Variants in PTP4A3 observed in about 807,000 individuals in gnomAD.
PTP4A3 encodes the protein protein tyrosine phosphatase 4A3, also known as protein tyrosine phosphatase type IVA 3.
In PTP4A3, 9 loss-of-function variants were observed where a neutral mutation model predicts 15.2. The observed-to-expected ratio is 0.59, with a 90% CI of 0.36 to 1.03. The LOEUF is 1.03. Among genes scored for constraint, PTP4A3 ranks in the 50% least tolerant of loss-of-function variants. PTP4A3 has a pLI of 0.02. For synonymous variants in PTP4A3, 95 were observed against 102.0 expected (o/e 0.93, Z 0.41); for missense variants, 234 against 252.1 (o/e 0.93, Z 0.49).
chr8:141,428,924 C>G (rs565095627), intron 5 of PTP4A3, among the ~76,000 whole-genome samples: 1 of 152,348 alleles, frequency 6.6e-6, no homozygotes, highest in Non-Finnish European at 1.5e-5. Context: ...ATGACATGCA[C>G]TCTCACACAT....
intron 1 of PTP4A3, among the ~76,000 whole-genome samples, chr8:141,399,250 C>T (rs987622759): frequency 5.3e-5 from 8 of 151,934 alleles, no homozygotes; most frequent in East Asian, 1.9e-4. Flanking sequence ...ATGCCTGGAA[C>T]GCTGGCCCCC....
rs574761037 is a variant in PTP4A3, at chr8:141,410,738, G to A, written c.-853-10650G>A. On this transcript the variant is annotated intron_variant, in intron 1 of 5. Transcript: ENST00000521578. ...GCACACTGAGGCACAGCGAGGTTGA[G>A]GGATGTACCCATCACACAGCTCACA... is the stretch of plus-strand genomic sequence containing the variant. Among the ~76,000 whole-genome samples the A allele has an allele frequency of 1.1e-4, 16 of 152,306 alleles. No homozygotes were observed. In the East Asian group the frequency reaches 1.7e-3, roughly 17 times the overall value.
intron 2 of PTP4A3, among the ~76,000 whole-genome samples, chr8:141,424,618 C>T (rs1354664100): frequency 3.9e-5 from 6 of 152,050 alleles, no homozygotes. Flanking sequence ...GATCTGGGGT[C>T]CTGAGCACCC....
At chr8:141,393,258 G>A (rs1832342879) in intron 1 of PTP4A3, among the ~76,000 whole-genome samples, 1 of 152,214 alleles carries the variant, frequency 6.6e-6, no homozygotes, top group Non-Finnish European at 1.5e-5. Flanking sequence ...GCTAAGCAGA[G>A]CCTTGTTGTC....
At position 141,425,151 on chromosome 8, in the gene PTP4A3, C is replaced by T. The variant is rs199913237; in HGVS notation, c.198+11C>T. 6.0e-4 allele frequency: 961 copies of T among 1,602,834 alleles called. 6 individuals are homozygous for T. The highest frequency in any genetic ancestry group is 7.6e-4 in the Non-Finnish European group (891 of 1,171,982). On this transcript the variant is annotated intron_variant, in intron 3 of 5. Coordinates refer to ENST00000521578, the MANE Select transcript of PTP4A3 (RefSeq NM_032611.3). This position sits in a 1 kb window ranked among gnomAD's most constrained non-coding sequence, Gnocchi z 4.2. The stretch of plus-strand genomic sequence containing the variant: ...GGCATCACCGTTGTGGTGAGGCGCG[C>T]GCCACGGGGACCCTAGTCACTGCTG...
At position 141,427,029 on chromosome 8, in the gene PTP4A3, G is replaced by A. The variant is rs1255478847; in HGVS notation, c.289G>A (p.Gly97Ser). Residue 97 changes from glycine to serine, a missense_variant, in exon 4 of 6, where the codon GGC (glycine) becomes AGC (serine). Physicochemically the swap from Gly to Ser is moderately conservative, Grantham distance 56 (BLOSUM62 0). Transcript: ENST00000521578. ...GAAGGCCAAGTTCTGTGAGGCCCCC[G>A]GCAGCTGCGTGGCTGTGCACTGCGT... ...LVKAKFCEAPGSCVAVHCVAG... is the reference protein window; with the variant it reads ...LVKAKFCEAPSSCVAVHCVAG... The A allele has an allele frequency of 8.1e-6, 13 of 1,601,874 alleles. No individual in the cohort carries two copies. The highest frequency in any genetic ancestry group is 2.7e-5 in the African/African-American group (2 of 74,938).
At chr8:141,416,645 G>A (rs191338297) in intron 1 of PTP4A3, among the ~76,000 whole-genome samples, 2 of 152,230 alleles carry the variant, frequency 1.3e-5, no homozygotes, top group Middle Eastern at 6.8e-3. Flanking sequence ...ACCCTTGGGG[G>A]TCCATGAGCT....
Position 141,431,178 on chromosome 8 carries a change from C to T in PTP4A3, c.*134C>T, listed in dbSNP as rs1238129380. On this transcript the variant is annotated 3_prime_UTR_variant, in exon 6 of 6. Coordinates refer to ENST00000521578, the MANE Select transcript of PTP4A3 (RefSeq NM_032611.3). The stretch of plus-strand genomic sequence containing the variant: ...GCTGGCCCCACATCGCCTTTTCCTC[C>T]CCGACACCTCCGTGCACTTGTGTCC... The T allele has an allele frequency of 5.0e-6, 4 of 798,158 alleles. No homozygotes were observed. The highest frequency in any genetic ancestry group is 2.4e-5 in the Admixed American group (1 of 42,456). 49.4% of individuals were successfully genotyped at this position (798,158 alleles called of 1,614,324 possible).
At chr8:141,428,937 G>A (rs1020056325) in intron 5 of PTP4A3, among the ~76,000 whole-genome samples, 3 of 152,168 alleles carry the variant, frequency 2.0e-5, no homozygotes, top group Non-Finnish European at 2.9e-5. Context: ...TCACACATGC[G>A]GGTGCACACC....
intron 1 of PTP4A3, among the ~76,000 whole-genome samples, chr8:141,414,319 G>T (rs1478207247): frequency 6.6e-6 from 1 of 152,204 alleles, no homozygotes; most frequent in African/African-American, 2.4e-5. Context: ...TCCTCCCATG[G>T]GGAGATCAAA....
At position 141,406,827 on chromosome 8, in the gene PTP4A3, T is replaced by G. The variant is rs1401339778; in HGVS notation, c.-853-14561T>G. On this transcript the variant is annotated intron_variant, in intron 1 of 5. Transcript: ENST00000521578. This position sits in a 1 kb window ranked among gnomAD's most constrained non-coding sequence, Gnocchi z 4.5. ...CCTCCTCTGAGCCGGCTTTGCCTCC[T>G]GCTGTTCCCACTGAGCGAATTAAAT... Among the ~76,000 whole-genome samples the G allele has an allele frequency of 1.3e-5, 2 of 152,232 alleles. No individual in the cohort carries two copies. Among genetic ancestry groups the G allele is most frequent in the Non-Finnish European group, 2.9e-5 (2 of 68,032 alleles).
Position 141,426,908 on chromosome 8 carries a change from C to T in PTP4A3, c.199-31C>T, listed in dbSNP as rs201193459. On this transcript the variant is annotated intron_variant, in intron 3 of 5. Coordinates refer to ENST00000521578, the MANE Select transcript of PTP4A3 (RefSeq NM_032611.3). Reference sequence around the variant, plus strand: ...AGCCGCCTCTCTACCCTCCCTCAGCCGGGGGTCCTCATGTCTGCTTCCCTC... The same window carrying T: ...AGCCGCCTCTCTACCCTCCCTCAGCTGGGGGTCCTCATGTCTGCTTCCCTC... 501 of 1,604,060 alleles carry T rather than the reference C, an allele frequency of 3.1e-4. 1 individual carries two copies. In the African/African-American group the frequency reaches 3.3e-3, roughly 11 times the overall value.
chr8:141,422,322 G>GC lies in PTP4A3; in HGVS notation c.84dup (p.Thr29HisfsTer7). Reference sequence around the variant, plus strand: ...CCTCATCACCCACAACCCCACCAACGCCACGCTCAGCACCTTCATTGAGGT... The same window carrying GC: ...CCTCATCACCCACAACCCCACCAACGCCCACGCTCAGCACCTTCATTGAGGT... On this transcript the variant is annotated frameshift_variant, in exon 2 of 6. Transcript: ENST00000521578. LOFTEE classifies it high-confidence loss of function. The GC allele has an allele frequency of 6.2e-7, 1 of 1,613,428 alleles. No individual in the cohort carries two copies. The highest frequency in any genetic ancestry group is 8.5e-7 in the Non-Finnish European group (1 of 1,179,966).
chr8:141,408,402 T>C (rs1353449917), intron 1 of PTP4A3, among the ~76,000 whole-genome samples: 2 of 152,254 alleles, frequency 1.3e-5, no homozygotes, highest in Admixed American at 1.3e-4. Flanking sequence ...GCGGATCACC[T>C]GAGGTCAGGA....
chr8:141,396,028 G>A (rs898937660), intron 1 of PTP4A3, among the ~76,000 whole-genome samples: 1 of 152,186 alleles, frequency 6.6e-6, no homozygotes, highest in Non-Finnish European at 1.5e-5. Context: ...CCCTGCCACT[G>A]GCTCAGAGGA....
At chr8:141,424,186 T>A (rs753783053) in intron 2 of PTP4A3, among the ~76,000 whole-genome samples, 1 of 152,102 alleles carries the variant, frequency 6.6e-6, no homozygotes, top group Non-Finnish European at 1.5e-5. Flanking sequence ...GTGTTCCAGG[T>A]CCCTGTCCCG....
In PTP4A3 at chr8:141,431,062, G is replaced by T; in HGVS notation, c.*18G>T. 2 of 1,609,720 alleles carry T rather than the reference G, an allele frequency of 1.2e-6. No homozygotes were observed. The highest frequency in any genetic ancestry group is 1.7e-6 in the Non-Finnish European group (2 of 1,176,994). On this transcript the variant is annotated 3_prime_UTR_variant, in exon 6 of 6. Coordinates refer to ENST00000521578, the MANE Select transcript of PTP4A3 (RefSeq NM_032611.3). ...TTATGTAGCTCAGGACCTTGGCTGG[G>T]CCTGGTCGTCATGTAGGTCAGGACC...
At chr8:141,429,371 G>A (rs530477639) in intron 5 of PTP4A3, among the ~76,000 whole-genome samples, 28 of 152,378 alleles carry the variant, frequency 1.8e-4, no homozygotes, top group African/African-American at 6.7e-4. Flanking sequence ...CGCTGGGTGG[G>A]CAGCCCCCGC....
chr8:141,419,571 G>GTTTTT (rs66940476), intron 1 of PTP4A3, among the ~76,000 whole-genome samples: 1 of 132,164 alleles, frequency 7.6e-6, no homozygotes, highest in Non-Finnish European at 1.6e-5. Flanking sequence ...CCCACCACCG[G>GTTTTT]TTTTTTTTTT....
Sources: allele counts gnomAD v4.1 joint callset (sites outside exome capture counted in the v4.1 genomes callset), GRCh38; gene constraint gnomAD v4.1.1; non-coding constraint Gnocchi (gnomAD v3.1); transcripts MANE v1.5; gene names NCBI Gene and HGNC (gene_info 2026-07-23, HGNC 2026-07-21).